LLGL2: variants seen among roughly 807,000 people sequenced by gnomAD.
LLGL2 encodes the protein LLGL2, scribble cell polarity complex component.
LLGL2 carries 81 observed loss-of-function variants against 123.2 expected under a neutral mutation model. The ratio of observed to expected loss-of-function variants is 0.66; its 90% CI spans 0.55 to 0.79. LLGL2 has a LOEUF of 0.79. LLGL2 is among the 30% of genes least tolerant of loss of function. LLGL2 has a pLI of 0.00. For missense variants in LLGL2, 1,273 were observed against 1,414.6 expected (o/e 0.90, Z 1.61); for synonymous variants, 577 against 594.1 (o/e 0.97, Z 0.42).
intron 1 of LLGL2, among the ~76,000 whole-genome samples, chr17:75,530,215 GTC>G (rs1367808270): frequency 3.3e-5 from 5 of 152,132 alleles, no homozygotes; most frequent in African/African-American, 1.2e-4. Context: ...ATATTTTAAA[GTC>G]TCTGGCTGGG....
At chr17:75,563,597 C>T in intron 8 of LLGL2, 134 bp downstream of exon 8, 1 of 1,486,670 alleles carries the variant, frequency 6.7e-7, no homozygotes, top group Non-Finnish European at 9.2e-7. Context: ...GCAGGGTTCG[C>T]CTCACCCAGT....
At chr17:75,556,167 A>G in intron 3 of LLGL2, 24 bp downstream of exon 3, 1 of 1,578,936 alleles carries the variant, frequency 6.3e-7, no homozygotes, top group Non-Finnish European at 8.7e-7. Flanking sequence ...CCTCGCTCCC[A>G]CTCGGGCAGG....
At chr17:75,536,910 T>G (rs543565968) in intron 1 of LLGL2, among the ~76,000 whole-genome samples, 74 of 152,190 alleles carry the variant, frequency 4.9e-4, no homozygotes, top group African/African-American at 1.7e-3. Context: ...TCACTGCAAC[T>G]TCCACCTCCC....
In LLGL2 at chr17:75,571,075, C is replaced by G; in HGVS notation, c.2151C>G (p.Tyr717Ter). 6.2e-7 allele frequency: 1 copy of G among 1,611,130 alleles called. No homozygotes were observed. Among genetic ancestry groups the G allele is most frequent in the Non-Finnish European group, 8.5e-7 (1 of 1,178,966 alleles). The change falls in exon 17 of 26, where the codon TAC becomes TAG. Residue 717 changes from tyrosine to a stop codon, truncating the protein, a stop_gained. Transcript: ENST00000392550. LOFTEE classifies it high-confidence loss of function. ...DSFTGFVRTL[Y>*]FADTYLKDSS... Reference sequence around the variant, plus strand: ...TCACAGGCTTCGTCCGGACCCTGTACTTTGCTGACACCTACCTGAAGGACA... The same window carrying G: ...TCACAGGCTTCGTCCGGACCCTGTAGTTTGCTGACACCTACCTGAAGGACA...
chr17:75,537,505 C>T (rs763494457), intron 1 of LLGL2, among the ~76,000 whole-genome samples: 1 of 151,988 alleles, frequency 6.6e-6, no homozygotes, highest in African/African-American at 2.4e-5. Context: ...ACCAGCCTGG[C>T]CAATATGGTG....
chr17:75,573,336 G>A, intron 20 of LLGL2, 58 bp downstream of exon 20: 1 of 1,560,608 alleles, frequency 6.4e-7, no homozygotes, highest in Non-Finnish European at 8.7e-7. Flanking sequence ...GACGGGAAGG[G>A]TGGCCAGGGG....
chr17:75,554,699 C>G (rs2054824733), intron 2 of LLGL2, among the ~76,000 whole-genome samples: 1 of 151,106 alleles, frequency 6.6e-6, no homozygotes, highest in Non-Finnish European at 1.5e-5. Context: ...ACCATCCTGG[C>G]TAACACAGTG....
rs2055908691 is a variant in LLGL2, at chr17:75,574,987, G to C, written c.*109G>C. 1 of 1,487,904 alleles carries C rather than the reference G, an allele frequency of 6.7e-7. No individual in the cohort carries two copies. The highest frequency in any genetic ancestry group is 1.1e-5 in the South Asian group (1 of 88,670). The allele number at this position is 1,487,904 out of a possible 1,614,324, so 92.2% of individuals were successfully genotyped here. On this transcript the variant is annotated 3_prime_UTR_variant, in exon 26 of 26. Coordinates refer to ENST00000392550, the MANE Select transcript of LLGL2 (RefSeq NM_001031803.2). ...GTGCACAGGGCCCCGCCAGGGGCTG[G>C]GGGCATCCCGGCTTCCACAATGCAG...
chr17:75,537,755 G>A (rs2054060182), intron 1 of LLGL2, among the ~76,000 whole-genome samples: 1 of 150,984 alleles, frequency 6.6e-6, no homozygotes, highest in Non-Finnish European at 1.5e-5. Context: ...AGCCTCCTAG[G>A]ACTCGGAGAA....
At chr17:75,537,863 C>T (rs1209945741) in intron 1 of LLGL2, among the ~76,000 whole-genome samples, 1 of 143,072 alleles carries the variant, frequency 7.0e-6, no homozygotes, top group East Asian at 2.1e-4. Flanking sequence ...GGCTGTATTA[C>T]AGTGGCACAA....
rs1457287131 is a variant in LLGL2 at position 75,564,609 on chromosome 17, C to T, written c.1036+102C>T. On this transcript the variant is annotated intron_variant, in intron 10 of 25. Transcript: ENST00000392550. The surrounding 1 kb of genome is among the most constrained non-coding windows in gnomAD (Gnocchi z 4.9). ...CAGGTGCAGTGGCTCCTGCCTGTAA[C>T]CCCAGTGCTGTGGGAGGCCAAGGTG... is the stretch of plus-strand genomic sequence containing the variant. 1.3e-6 allele frequency: 2 copies of T among 1,548,926 alleles called. No individual in the cohort carries two copies. The highest frequency in any genetic ancestry group is 1.8e-6 in the Non-Finnish European group (2 of 1,141,552).
chr17:75,569,386 G>C, intron 14 of LLGL2, 61 bp downstream of exon 14: 2 of 1,388,164 alleles, frequency 1.4e-6, no homozygotes, highest in Non-Finnish European at 1.0e-6. Flanking sequence ...GGGGACAGCA[G>C]GGACAGGAGC....
intron 1 of LLGL2, among the ~76,000 whole-genome samples, chr17:75,537,068 C>G (rs2054030028): frequency 6.6e-6 from 1 of 152,150 alleles, no homozygotes; most frequent in South Asian, 2.1e-4. Flanking sequence ...AGTGATCCAC[C>G]CGCCTCGGCC....
At chr17:75,560,141 T>TG (rs2055136183) in intron 6 of LLGL2, among the ~76,000 whole-genome samples, 1 of 152,116 alleles carries the variant, frequency 6.6e-6, no homozygotes, top group Non-Finnish European at 1.5e-5. Context: ...TCTCCAGCCC[T>TG]GGGTGGTGAT....
intron 2 of LLGL2, among the ~76,000 whole-genome samples, chr17:75,552,694 G>A (rs1025958192): frequency 6.6e-6 from 1 of 152,186 alleles, no homozygotes; most frequent in African/African-American, 2.4e-5. Flanking sequence ...GATTTACAGT[G>A]GAAAAAGGGA....
Position 75,571,102 on chromosome 17 carries a change from T to C in LLGL2, c.2176+2T>C. On this transcript the variant is annotated splice_donor_variant, in intron 17 of 25. Coordinates refer to ENST00000392550, the MANE Select transcript of LLGL2 (RefSeq NM_001031803.2). LOFTEE classifies it high-confidence loss of function. ...TTGCTGACACCTACCTGAAGGACAG[T>C]GAGTGGCCAGCCTGGGGTTGGGGGG... The C allele has an allele frequency of 1.2e-6, 2 of 1,601,946 alleles. No individual in the cohort carries two copies. Among genetic ancestry groups the C allele is most frequent in the Non-Finnish European group, 1.7e-6 (2 of 1,173,792 alleles).
chr17:75,565,785 A>T (rs1345318072), intron 10 of LLGL2, among the ~76,000 whole-genome samples: 2 of 152,066 alleles, frequency 1.3e-5, no homozygotes, highest in Non-Finnish European at 2.9e-5. Context: ...CTCAGATGAT[A>T]TGTGGGCACC....
At chr17:75,529,536 C>A (rs978721798) in intron 1 of LLGL2, among the ~76,000 whole-genome samples, 2 of 151,696 alleles carry the variant, frequency 1.3e-5, no homozygotes, top group African/African-American at 4.8e-5. Context: ...ATCCTTCATC[C>A]TTCTATCCTT....
chr17:75,574,622 G>A lies in LLGL2; in HGVS notation c.3009G>A (p.Trp1003Ter), dbSNP rs1568083659. ...TLEGDRGSGNWRSHRAAVGCS... is the reference protein window; with the variant it reads ...TLEGDRGSGN ...TTTGCCTGTGCAGGAGCGGCAACTG[G>A]CGTTCACATCGAGCCGCCGTGGGGT... The change falls in exon 25 of 26, where the codon TGG (tryptophan) becomes TGA (stop). Residue 1003 changes from tryptophan to a stop codon, truncating the protein, a stop_gained. Transcript: ENST00000392550. LOFTEE classifies it high-confidence loss of function. 1 of 1,612,512 alleles carries A rather than the reference G, an allele frequency of 6.2e-7. No individual in the cohort carries two copies.
Sources: allele counts gnomAD v4.1 joint callset (sites outside exome capture counted in the v4.1 genomes callset), GRCh38; gene constraint gnomAD v4.1.1; non-coding constraint Gnocchi (gnomAD v3.1); transcripts MANE v1.5; gene names NCBI Gene and HGNC (gene_info 2026-07-23, HGNC 2026-07-21).